The following CCDC102A variants were observed in gnomAD, a reference collection of about 807,000 sequenced individuals.
CCDC102A encodes coiled-coil domain-containing protein 102A.
In CCDC102A, 40 loss-of-function variants were observed where a neutral mutation model predicts 55.5. The ratio of observed to expected loss-of-function variants is 0.72; its 90% CI spans 0.56 to 0.94. The LOEUF (loss-of-function observed/expected upper bound fraction) is 0.94, where lower values mean the gene tolerates loss of function less well. Among genes scored for constraint, CCDC102A ranks in the 40% least tolerant of loss-of-function variants. The pLI is 0.00. For synonymous variants in CCDC102A, 323 were observed against 339.0 expected, an observed-to-expected ratio of 0.95 and a Z score of 0.52; for missense variants, 779 against 768.6, an observed-to-expected ratio of 1.01 and a Z score of -0.16.
Position 57,516,219 on chromosome 16 carries a change from C to G in CCDC102A, c.1419+74G>C. 1.4e-6 allele frequency: 2 copies of G among 1,471,880 alleles called. No homozygotes were observed. The highest frequency in any genetic ancestry group is 1.2e-5 in the South Asian group (1 of 82,046). 91.2% of individuals were successfully genotyped at this position (1,471,880 alleles called of 1,614,324 possible). ...GCACCAGGGGCTGAGAATGGAGAAGCCAGGATGGCCCTGCGGCCCCCACTC... is the reference window on the plus strand; with the variant it reads ...GCACCAGGGGCTGAGAATGGAGAAGGCAGGATGGCCCTGCGGCCCCCACTC... On this transcript the variant is annotated intron_variant, in intron 7 of 8. Transcript: ENST00000258214. This position sits in a 1 kb window ranked among gnomAD's most constrained non-coding sequence, Gnocchi z 4.4.
At chr16:57,517,808 C>A (rs1356855990) in intron 6 of CCDC102A, among the ~76,000 whole-genome samples, 2 of 152,236 alleles carry the variant, frequency 1.3e-5, no homozygotes, top group Non-Finnish European at 2.9e-5. Flanking sequence ...CCAAGTAAGT[C>A]TTCAGCTCCA....
intron 2 of CCDC102A, 78 bp downstream of exon 2, chr16:57,528,515 T>C: frequency 1.9e-6 from 2 of 1,028,088 alleles, no homozygotes; most frequent in Non-Finnish European, 1.2e-6. Context: ...CTAGCTTGTT[T>C]CTGAGCCCAG....
rs775536376 is a variant in CCDC102A, at chr16:57,529,140, G to A, written c.38C>T (p.Pro13Leu). ...HGPSPRLAESPQLSKGSLLTI... is the reference protein window; with the variant it reads ...HGPSPRLAESLQLSKGSLLTI... Reference sequence around the variant, plus strand: ...CAGGAGGCTGCCCTTGGACAGCTGCGGGGACTCGGCCAGCCGGGGGCTGGG... The same window carrying A: ...CAGGAGGCTGCCCTTGGACAGCTGCAGGGACTCGGCCAGCCGGGGGCTGGG... Residue 13 changes from proline to leucine, a missense_variant, in exon 2 of 9, where the codon CCG (proline) becomes CTG (leucine). Pro to Leu is a moderately conservative substitution (Grantham distance 98, BLOSUM62 -3). Transcript: ENST00000258214. The surrounding 1 kb of genome is among the most constrained non-coding windows in gnomAD (Gnocchi z 4.1). The A allele has an allele frequency of 2.1e-5, 25 of 1,185,056 alleles. No homozygotes were observed. The East Asian group carries it at 4.4e-4, about 21-fold the overall frequency. The allele number at this position is 1,185,056 out of a possible 1,614,324, so 73.4% of individuals were successfully genotyped here. A position where few individuals can be genotyped will look rare whatever the true frequency, so the allele number is the denominator to read the frequency against.
chr16:57,529,223 G>T lies in CCDC102A; in HGVS notation c.-46C>A. The T allele has an allele frequency of 2.5e-5, 29 of 1,149,502 alleles. No individual in the cohort carries two copies. The highest frequency in any genetic ancestry group is 3.0e-5 in the Non-Finnish European group (28 of 933,968). 71.2% of individuals were successfully genotyped at this position (1,149,502 alleles called of 1,614,324 possible). A position where few individuals can be genotyped will look rare whatever the true frequency, so the allele number is the denominator to read the frequency against. On this transcript the variant is annotated 5_prime_UTR_variant, in exon 2 of 9. It adds an upstream start codon to the 5' untranslated region. Transcript: ENST00000258214. This position sits in a 1 kb window ranked among gnomAD's most constrained non-coding sequence, Gnocchi z 4.1. ...GAGCTCGAACTCGCGGTCGGGCTCA[G>T]GGGCGGCTCCGGGGACGCGCGGCGG...
At chr16:57,520,180 T>G (rs1426491260) in intron 4 of CCDC102A, among the ~76,000 whole-genome samples, 2 of 152,130 alleles carry the variant, frequency 1.3e-5, no homozygotes, top group African/African-American at 2.4e-5. Context: ...CAAGGCCCCC[T>G]CCTGCGGCCT....
intron 4 of CCDC102A, among the ~76,000 whole-genome samples, chr16:57,520,357 A>T (rs773553911): frequency 2.6e-5 from 4 of 151,852 alleles, no homozygotes; most frequent in Non-Finnish European, 4.4e-5. Flanking sequence ...TCTTGCCTCA[A>T]ATGCCACCTT....
intron 2 of CCDC102A, among the ~76,000 whole-genome samples, chr16:57,526,556 G>A (rs1230813337): frequency 6.6e-6 from 1 of 152,230 alleles, no homozygotes; most frequent in Non-Finnish European, 1.5e-5. Context: ...GTGACACAGG[G>A]AAGCAGTGCC....
chr16:57,531,614 C>T (rs1413231685), intron 1 of CCDC102A, among the ~76,000 whole-genome samples: 2 of 152,158 alleles, frequency 1.3e-5, no homozygotes, highest in East Asian at 3.8e-4. Context: ...ACTGATTCCT[C>T]CCTAGCCTCA....
chr16:57,512,634 G>C lies in CCDC102A; in HGVS notation c.*107C>G. On this transcript the variant is annotated 3_prime_UTR_variant, in exon 9 of 9. Coordinates refer to ENST00000258214, the MANE Select transcript of CCDC102A (RefSeq NM_033212.4). ...GGAGAGAAGAAAGTCGGCTGTGGCAGGGACTGGTCCCAGAGTGAGCCTAGG... is the reference window on the plus strand; with the variant it reads ...GGAGAGAAGAAAGTCGGCTGTGGCACGGACTGGTCCCAGAGTGAGCCTAGG... The C allele has an allele frequency of 7.2e-7, 1 of 1,385,338 alleles. No homozygotes were observed. Among genetic ancestry groups the C allele is most frequent in the Non-Finnish European group, 9.7e-7 (1 of 1,028,304 alleles). 85.8% of individuals were successfully genotyped at this position (1,385,338 alleles called of 1,614,324 possible).
chr16:57,530,621 T>A (rs1346671827), intron 1 of CCDC102A, among the ~76,000 whole-genome samples: 1 of 152,044 alleles, frequency 6.6e-6, no homozygotes, highest in East Asian at 1.9e-4. Context: ...AAAAGGAAGC[T>A]GTCAAGCCCC....
At chr16:57,513,081 A>G (rs1479001889) in intron 8 of CCDC102A, among the ~76,000 whole-genome samples, 1 of 152,234 alleles carries the variant, frequency 6.6e-6, no homozygotes, top group Non-Finnish European at 1.5e-5. Flanking sequence ...TCATTTGCTC[A>G]AAGTCACACA....
chr16:57,524,787 A>G (rs1437145931), intron 3 of CCDC102A, among the ~76,000 whole-genome samples: 1 of 152,202 alleles, frequency 6.6e-6, no homozygotes, highest in Non-Finnish European at 1.5e-5. Context: ...AAACTGCAGA[A>G]TATTCATTAT....
chr16:57,526,206 T>G lies in CCDC102A; in HGVS notation c.586-79A>C, dbSNP rs1421411201. ...TCTGAGATCAGCTTGATGGGTAACC[T>G]TGGGCAAGTCACACAGTGTCTCTGG... On this transcript the variant is annotated intron_variant, in intron 2 of 8. Transcript: ENST00000258214. 3.8e-6 allele frequency: 4 copies of G among 1,056,058 alleles called. No homozygotes were observed. The African/African-American group carries it at 6.5e-5, about 17-fold the overall frequency. 65.4% of individuals were successfully genotyped at this position (1,056,058 alleles called of 1,614,324 possible). A position where few individuals can be genotyped will look rare whatever the true frequency, so the allele number is the denominator to read the frequency against.
At chr16:57,535,049 T>C (rs1291658972) in intron 1 of CCDC102A, among the ~76,000 whole-genome samples, 1 of 152,164 alleles carries the variant, frequency 6.6e-6, no homozygotes, top group Non-Finnish European at 1.5e-5. Flanking sequence ...TCCCAGAGCC[T>C]TTCAGGTAGG....
rs2031883267 is a variant in CCDC102A, at chr16:57,512,551, A to T, written c.*190T>A. On this transcript the variant is annotated 3_prime_UTR_variant, in exon 9 of 9. Coordinates refer to ENST00000258214, the MANE Select transcript of CCDC102A (RefSeq NM_033212.4). ...GCGCGTGTGTGTATATATATATATA[A>T]AACATAGGCTTCCTTTCCACAGGGC... 6 of 647,018 alleles carry T rather than the reference A, an allele frequency of 9.3e-6. No individual in the cohort carries two copies. The highest frequency in any genetic ancestry group is 2.2e-5 in the South Asian group (1 of 45,634). 40.1% of individuals were successfully genotyped at this position (647,018 alleles called of 1,614,324 possible). A position where few individuals can be genotyped will look rare whatever the true frequency, so the allele number is the denominator to read the frequency against.
intron 1 of CCDC102A, among the ~76,000 whole-genome samples, chr16:57,532,726 C>T (rs1256430320): frequency 6.6e-6 from 1 of 150,882 alleles, no homozygotes; most frequent in Non-Finnish European, 1.5e-5. Context: ...CACACACACA[C>T]ACACACACAG....
chr16:57,535,412 C>T (rs1274884130), intron 1 of CCDC102A, among the ~76,000 whole-genome samples: 1 of 152,150 alleles, frequency 6.6e-6, no homozygotes, highest in Non-Finnish European at 1.5e-5. Context: ...CCAACTGAGG[C>T]CCAGAGGGAC....
intron 1 of CCDC102A, among the ~76,000 whole-genome samples, chr16:57,532,857 G>A (rs1413442827): frequency 2.0e-5 from 3 of 152,166 alleles, no homozygotes; most frequent in Admixed American, 6.5e-5. Flanking sequence ...CAGGAAACCC[G>A]AATGCCAGCC....
chr16:57,513,072 CATTTG>C (rs2031893959), intron 8 of CCDC102A, among the ~76,000 whole-genome samples: 2 of 152,220 alleles, frequency 1.3e-5, no homozygotes, highest in Non-Finnish European at 2.9e-5. Context: ...AAGGTGAAGT[CATTTG>C]CTCAAAGTCA....
Sources: allele counts gnomAD v4.1 joint callset (sites outside exome capture counted in the v4.1 genomes callset), GRCh38; gene constraint gnomAD v4.1.1; non-coding constraint Gnocchi (gnomAD v3.1); transcripts MANE v1.5; gene names NCBI Gene and HGNC (gene_info 2026-07-23, HGNC 2026-07-21).